The following FEZ2 variants were observed in gnomAD, a reference collection of about 807,000 sequenced individuals.
The protein encoded by FEZ2 is fasciculation and elongation protein zeta-2.
Under a neutral mutation model 40.4 loss-of-function variants are expected in FEZ2, and 51 were observed. That is an observed-to-expected ratio of 1.26 (90% confidence interval 1.01 to 1.59). FEZ2 has a LOEUF of 1.59. Among genes scored for constraint, FEZ2 ranks in the 40% most tolerant of loss-of-function variants. FEZ2 has a pLI of 0.00. For missense variants in FEZ2, 640 were observed against 438.3 expected, an observed-to-expected ratio of 1.46 and a Z score of -4.11; for synonymous variants, 242 against 172.0, an observed-to-expected ratio of 1.41 and a Z score of -3.18.
intron 2 of FEZ2, among the ~76,000 whole-genome samples, chr2:36,585,581 A>C (rs1350285648): frequency 6.6e-6 from 1 of 152,234 alleles, no homozygotes; most frequent in African/African-American, 2.4e-5. Flanking sequence ...CTACGGCTCT[A>C]TTGAGGCTGA....
intron 4 of FEZ2, among the ~76,000 whole-genome samples, chr2:36,580,717 G>C (rs546202988): frequency 6.6e-6 from 1 of 152,126 alleles, no homozygotes; most frequent in Non-Finnish European, 1.5e-5. Context: ...AGACTCAATT[G>C]TGTCCTCCCC....
rs376843700 is a variant in FEZ2, at chr2:36,590,839, T to C, written c.375+64A>G. ...GTGAATCTGTGTTAAGCAGAAATGC[T>C]ACTGTTTTAGTTCTATTATCAGCAT... On this transcript the variant is annotated intron_variant, in intron 2 of 7. Transcript: ENST00000405912. 2.2e-5 allele frequency: 21 copies of C among 942,992 alleles called. No homozygotes were observed. The East Asian group carries it at 4.1e-4, about 18-fold the overall frequency. 58.4% of individuals were successfully genotyped at this position (942,992 alleles called of 1,614,324 possible). A position where few individuals can be genotyped will look rare whatever the true frequency, so the allele number is the denominator to read the frequency against.
chr2:36,554,950 T>C (rs1667916653), intron 7 of FEZ2, among the ~76,000 whole-genome samples: 1 of 152,206 alleles, frequency 6.6e-6, no homozygotes, highest in Non-Finnish European at 1.5e-5. Context: ...TTTGTGATGC[T>C]TTCAAAATCT....
intron 1 of FEZ2, among the ~76,000 whole-genome samples, chr2:36,596,627 C>T (rs759572375): frequency 1.7e-4 from 26 of 152,154 alleles, no homozygotes; most frequent in Admixed American, 1.4e-3. Flanking sequence ...CCGGACTTCA[C>T]TAATTTTTTT....
chr2:36,579,893 T>A (rs775164611), intron 4 of FEZ2, among the ~76,000 whole-genome samples: 1 of 151,668 alleles, frequency 6.6e-6, no homozygotes, highest in Non-Finnish European at 1.5e-5. Flanking sequence ...GGAGAGGGGG[T>A]CTTTAAAGAG....
intron 5 of FEZ2, among the ~76,000 whole-genome samples, chr2:36,561,790 A>G (rs181358281): frequency 1.3e-5 from 2 of 152,340 alleles, no homozygotes; most frequent in East Asian, 3.9e-4. Flanking sequence ...TATAGAGGAA[A>G]TTTAAATCAG....
intron 5 of FEZ2, among the ~76,000 whole-genome samples, chr2:36,573,598 T>C (rs1024236819): frequency 6.6e-6 from 1 of 152,188 alleles, no homozygotes; most frequent in African/African-American, 2.4e-5. Context: ...AGAAATTAGG[T>C]GAGGTGCTGG....
intron 6 of FEZ2, 87 bp downstream of exon 6, chr2:36,558,351 C>T (rs1668005785): frequency 2.6e-6 from 2 of 764,282 alleles, no homozygotes; most frequent in East Asian, 2.8e-5. Flanking sequence ...TGACAAAACA[C>T]TAACAACAAA....
At chr2:36,553,303 C>G in intron 7 of FEZ2, 124 bp from the exon 8 acceptor site, 1 of 734,314 alleles carries the variant, frequency 1.4e-6, no homozygotes, top group Admixed American at 2.6e-5. Context: ...ATGCAAAGAT[C>G]TATGTAGCAA....
At chr2:36,559,240 C>T (rs1362229891) in intron 5 of FEZ2, 5 of 152,166 alleles carry the variant, frequency 3.3e-5, no homozygotes, top group Non-Finnish European at 2.9e-5. Flanking sequence ...CAAGTAACAG[C>T]GCCATGTCTT....
intron 4 of FEZ2, among the ~76,000 whole-genome samples, chr2:36,580,648 A>C (rs926878572): frequency 6.6e-6 from 1 of 152,264 alleles, no homozygotes; most frequent in African/African-American, 2.4e-5. Flanking sequence ...CAGGAATTGC[A>C]TTTGACAAAT....
At chr2:36,570,069 A>G (rs1668364785) in intron 5 of FEZ2, among the ~76,000 whole-genome samples, 1 of 151,932 alleles carries the variant, frequency 6.6e-6, no homozygotes, top group African/African-American at 2.4e-5. Context: ...AAAATAATCA[A>G]AATGAGGAAA....
chr2:36,573,270 T>C (rs1380339334), intron 5 of FEZ2, among the ~76,000 whole-genome samples: 5 of 152,198 alleles, frequency 3.3e-5, no homozygotes, highest in Non-Finnish European at 5.9e-5. Context: ...TTTTCATACA[T>C]ATAAGTTTAC....
intron 5 of FEZ2, among the ~76,000 whole-genome samples, chr2:36,560,278 G>T (rs1164985249): frequency 6.6e-6 from 1 of 152,100 alleles, no homozygotes; most frequent in East Asian, 1.9e-4. Flanking sequence ...CAACTGAGTT[G>T]GCTGACTATG....
intron 2 of FEZ2, among the ~76,000 whole-genome samples, chr2:36,584,967 G>A (rs767475817): frequency 3.3e-5 from 5 of 152,094 alleles, no homozygotes; most frequent in Non-Finnish European, 5.9e-5. Flanking sequence ...AGGCTCCTGC[G>A]CAGTGACGAC....
At chr2:36,589,144 T>C (rs1411838739) in intron 2 of FEZ2, among the ~76,000 whole-genome samples, 2 of 152,186 alleles carry the variant, frequency 1.3e-5, no homozygotes, top group South Asian at 2.1e-4. Context: ...AACAGTATAG[T>C]TACTATAAAG....
chr2:36,559,903 T>G (rs185437513), intron 5 of FEZ2, among the ~76,000 whole-genome samples: 21 of 152,346 alleles, frequency 1.4e-4, no homozygotes, highest in Admixed American at 1.3e-3. Flanking sequence ...AATGTCAGTG[T>G]GAGGCTTCCC....
chr2:36,567,780 T>G (rs1263448515), intron 5 of FEZ2, among the ~76,000 whole-genome samples: 1 of 146,512 alleles, frequency 6.8e-6, no homozygotes, highest in African/African-American at 2.5e-5. Flanking sequence ...AAAAAAGAAA[T>G]CTCAAACCCC....
At chr2:36,564,771 G>T (rs1668187065) in intron 5 of FEZ2, among the ~76,000 whole-genome samples, 2 of 152,032 alleles carry the variant, frequency 1.3e-5, no homozygotes, top group African/African-American at 2.4e-5. Context: ...GGCCAACTCG[G>T]GAGTTCACGC....
Sources: gnomAD v4.1 joint callset for allele counts (sites outside exome capture counted in the v4.1 genomes callset) on GRCh38, gnomAD v4.1.1 for gene constraint, MANE v1.5 for transcripts, NCBI Gene and HGNC (gene_info 2026-07-23, HGNC 2026-07-21) for gene names.